HS3ST4: variants seen among roughly 807,000 people sequenced by gnomAD.
HS3ST4 encodes the protein heparan sulfate glucosamine 3-O-sulfotransferase 4.
Under a neutral mutation model 29.2 loss-of-function variants are expected in HS3ST4, and 17 were observed. That is an observed-to-expected ratio of 0.58 (90% CI 0.40 to 0.87). HS3ST4 has a LOEUF of 0.87. Ranked by LOEUF, HS3ST4 falls within the 40% of genes least tolerant of loss-of-function variation. The pLI is 0.00. For missense variants in HS3ST4, 627 were observed against 634.5 expected (o/e 0.99, Z 0.13); for synonymous variants, 314 against 285.7 (o/e 1.10, Z -1.00).
intron 1 of HS3ST4, among the ~76,000 whole-genome samples, chr16:25,734,149 T>G (rs1009476147): frequency 2.0e-5 from 3 of 151,856 alleles, no homozygotes; most frequent in African/African-American, 7.2e-5. Flanking sequence ...CAAAAACACA[T>G]TGTAGCGACA....
intron 1 of HS3ST4, among the ~76,000 whole-genome samples, chr16:25,827,911 G>A (rs889012710): frequency 1.3e-5 from 2 of 152,146 alleles, no homozygotes; most frequent in African/African-American, 2.4e-5. Flanking sequence ...AGCAGAGCTC[G>A]TGTTGAAACC....
At chr16:25,940,934 G>A (rs1968566029) in intron 1 of HS3ST4, among the ~76,000 whole-genome samples, 1 of 152,076 alleles carries the variant, frequency 6.6e-6, no homozygotes, top group Admixed American at 6.6e-5. Context: ...TGTTTCTTGA[G>A]CACATCTAGT....
Position 26,013,765 on chromosome 16 carries a change from T to G in HS3ST4, c.735-121847T>G, listed in dbSNP as rs1969335800. Among the ~76,000 whole-genome samples the G allele has an allele frequency of 2.6e-5, 4 of 152,112 alleles. No individual in the cohort carries two copies. In the South Asian group the frequency reaches 6.2e-4, roughly 24 times the overall value. ...TGGCTCATGCCTGTAATCCCAGCAC[T>G]GTGGGAGGCTAAGGTGGGCAGATCA... On this transcript the variant is annotated intron_variant, in intron 1 of 1. Transcript: ENST00000331351.
intron 1 of HS3ST4, among the ~76,000 whole-genome samples, chr16:25,746,990 A>G (rs758117666): frequency 2.0e-5 from 3 of 152,200 alleles, no homozygotes; most frequent in Non-Finnish European, 2.9e-5. Context: ...CTAAGACCAC[A>G]GGTGTGCACC....
At chr16:25,789,403 T>TTTCC (rs745858843) in intron 1 of HS3ST4, among the ~76,000 whole-genome samples, 7 of 72,694 alleles carry the variant, frequency 9.6e-5, no homozygotes, top group South Asian at 5.2e-4. Context: ...TTCTTTGTTT[T>TTTCC]TTCCTTCCTT....
chr16:25,894,758 C>T (rs1187933408), intron 1 of HS3ST4, among the ~76,000 whole-genome samples: 4 of 151,996 alleles, frequency 2.6e-5, no homozygotes, highest in East Asian at 1.9e-4. Flanking sequence ...CACCTGCCTC[C>T]GCCTCCCAAA....
intron 1 of HS3ST4, among the ~76,000 whole-genome samples, chr16:25,972,468 A>G (rs941253923): frequency 1.3e-5 from 2 of 152,200 alleles, no homozygotes; most frequent in Non-Finnish European, 2.9e-5. Context: ...GGTGTTGTCA[A>G]GATTCCCTTC....
At chr16:26,065,163 CACAT>C (rs1432307843) in intron 1 of HS3ST4, among the ~76,000 whole-genome samples, 1 of 152,200 alleles carries the variant, frequency 6.6e-6, no homozygotes, top group African/African-American at 2.4e-5. Context: ...ATTATAAAGA[CACAT>C]GCATGCATAT....
At chr16:25,859,208 A>C (rs1043504820) in intron 1 of HS3ST4, among the ~76,000 whole-genome samples, 2 of 152,224 alleles carry the variant, frequency 1.3e-5, no homozygotes, top group African/African-American at 4.8e-5. Flanking sequence ...ATGTTTGGCA[A>C]GACAGAAAAT....
intron 1 of HS3ST4, among the ~76,000 whole-genome samples, chr16:25,810,453 A>C (rs553806517): frequency 1.4e-4 from 22 of 152,132 alleles, no homozygotes; most frequent in Non-Finnish European, 2.8e-4. Flanking sequence ...GGAGTGCTAC[A>C]TATAGGCCAG....
rs140996480 is a variant in HS3ST4, at chr16:25,891,659, G to A, written c.734+198508G>A. Among the ~76,000 whole-genome samples the A allele has an allele frequency of 5.8e-3, 882 of 152,292 alleles. 12 individuals carry two copies. The highest frequency in any genetic ancestry group is 0.02 in the African/African-American group (840 of 41,552). On this transcript the variant is annotated intron_variant, in intron 1 of 1. Transcript: ENST00000331351. ...TACTCTAGGTTCAAGGGGAGGAAAC[G>A]TAAGCCCCAGCCCTCAAATGAAAGG...
At chr16:25,983,916 G>A (rs1394558536) in intron 1 of HS3ST4, among the ~76,000 whole-genome samples, 1 of 151,440 alleles carries the variant, frequency 6.6e-6, no homozygotes, top group African/African-American at 2.4e-5. Context: ...GTGTGTGTGT[G>A]TGTCTATTTC....
chr16:25,692,541 T>C lies in HS3ST4; in HGVS notation c.124T>C (p.Ser42Pro). ...ARKLLFMCTLSLSVTYLCYSL... is the reference protein window; with the variant it reads ...ARKLLFMCTLPLSVTYLCYSL... The stretch of plus-strand genomic sequence containing the variant: ...CAAGCTGCTTTTTATGTGCACCTTG[T>C]CCCTGTCTGTCACCTACCTGTGCTA... Residue 42 changes from serine (S) to proline (P), a missense_variant, in exon 1 of 2, where the codon TCC becomes CCC. Physicochemically the swap from Ser to Pro is moderately conservative, Grantham distance 74. Transcript: ENST00000331351. 2.1e-6 allele frequency: 3 copies of C among 1,448,868 alleles called. No homozygotes were observed. The highest frequency in any genetic ancestry group is 1.3e-5 in the South Asian group (1 of 77,536). 89.8% of individuals were successfully genotyped at this position (1,448,868 alleles called of 1,614,324 possible). A position where few individuals can be genotyped will look rare whatever the true frequency, so the allele number is the denominator to read the frequency against.
intron 1 of HS3ST4, among the ~76,000 whole-genome samples, chr16:25,933,731 G>A (rs1426603474): frequency 6.6e-6 from 1 of 152,174 alleles, no homozygotes. Flanking sequence ...GAGGCTTCAG[G>A]AAGCTTCCAA....
chr16:25,768,965 T>G (rs1966838099), intron 1 of HS3ST4, among the ~76,000 whole-genome samples: 1 of 152,102 alleles, frequency 6.6e-6, no homozygotes, highest in Admixed American at 6.6e-5. Flanking sequence ...CATTCCCTGT[T>G]GTTGACCTTT....
chr16:25,728,570 G>T (rs1966551908), intron 1 of HS3ST4, among the ~76,000 whole-genome samples: 1 of 152,192 alleles, frequency 6.6e-6, no homozygotes, highest in Non-Finnish European at 1.5e-5. Context: ...AGGGAAGAGA[G>T]ACTGTAGGTA....
At chr16:25,693,679 C>G (rs1596545586) in intron 1 of HS3ST4, among the ~76,000 whole-genome samples, 1 of 152,322 alleles carries the variant, frequency 6.6e-6, no homozygotes, top group East Asian at 1.9e-4. Context: ...ATCATGCTGG[C>G]GTTTTGGCTT....
At chr16:26,112,726 A>C (rs1488899547) in intron 1 of HS3ST4, among the ~76,000 whole-genome samples, 1 of 152,172 alleles carries the variant, frequency 6.6e-6, no homozygotes, top group Non-Finnish European at 1.5e-5. Context: ...CAGATGATAT[A>C]GATATTTCAC....
intron 1 of HS3ST4, among the ~76,000 whole-genome samples, chr16:25,913,491 T>C (rs1030005660): frequency 5.9e-5 from 9 of 152,206 alleles, no homozygotes; most frequent in African/African-American, 2.2e-4. Context: ...TCTGTGTGTG[T>C]TGTTTATTAG....
Sources: gnomAD v4.1 joint callset for allele counts (sites outside exome capture counted in the v4.1 genomes callset) on GRCh38, gnomAD v4.1.1 for gene constraint, MANE v1.5 for transcripts, NCBI Gene and HGNC (gene_info 2026-07-23, HGNC 2026-07-21) for gene names.